The following RYR3 variants were observed in gnomAD, a reference collection of about 807,000 sequenced individuals.
RYR3 encodes the protein brain ryanodine receptor-calcium release channel.
Under a neutral mutation model 584.3 loss-of-function variants are expected in RYR3, and 207 were observed. The ratio of observed to expected loss-of-function variants is 0.35; its 90% CI spans 0.32 to 0.40. The LOEUF is 0.40. Ranked by LOEUF, RYR3 falls within the 10% of genes least tolerant of loss-of-function variation. The pLI is 1.00. For missense variants in RYR3, 5,616 were observed against 6,089.2 expected, an observed-to-expected ratio of 0.92 and a Z score of 2.59; for synonymous variants, 2,416 against 2,248.5, an observed-to-expected ratio of 1.07 and a Z score of -2.11.
At chr15:33,341,256 C>G (rs556796440) in intron 1 of RYR3, among the ~76,000 whole-genome samples, 10 of 152,092 alleles carry the variant, frequency 6.6e-5, no homozygotes, top group African/African-American at 1.9e-4. Context: ...CCAGGCTGAT[C>G]TCGAACCTCT....
chr15:33,701,462 A>G (rs1223085834), intron 42 of RYR3, among the ~76,000 whole-genome samples: 1 of 152,190 alleles, frequency 6.6e-6, no homozygotes, highest in Non-Finnish European at 1.5e-5. Context: ...TGTCCTTTCC[A>G]TGTGTAACTG....
intron 19 of RYR3, among the ~76,000 whole-genome samples, chr15:33,621,286 A>T (rs7168848): frequency 6.6e-6 from 1 of 152,082 alleles, no homozygotes; most frequent in Admixed American, 6.5e-5. Flanking sequence ...CTTACTTGCT[A>T]TACAAGCTAC....
At chr15:33,683,088 G>A (rs549265874) in intron 38 of RYR3, among the ~76,000 whole-genome samples, 12 of 151,826 alleles carry the variant, frequency 7.9e-5, no homozygotes, top group African/African-American at 2.2e-4. Context: ...TCCGCCTCCC[G>A]GGTTCATGCC....
intron 1 of RYR3, among the ~76,000 whole-genome samples, chr15:33,365,733 G>T (rs1056850780): frequency 6.6e-6 from 1 of 152,168 alleles, no homozygotes; most frequent in African/African-American, 2.4e-5. Flanking sequence ...AATAATAAAG[G>T]GGATAGGAGG....
chr15:33,715,537 A>G (rs1422844428), intron 43 of RYR3, among the ~76,000 whole-genome samples: 1 of 152,224 alleles, frequency 6.6e-6, no homozygotes, highest in Non-Finnish European at 1.5e-5. Flanking sequence ...TCTATGTTAC[A>G]CCTTTGTACT....
At position 33,838,753 on chromosome 15, in the gene RYR3, C is replaced by T; in HGVS notation, c.12773C>T (p.Pro4258Leu). 6.2e-7 allele frequency: 1 copy of T among 1,613,844 alleles called. No homozygotes were observed. Among genetic ancestry groups the T allele is most frequent in the South Asian group, 1.1e-5 (1 of 91,054 alleles). Residue 4258 changes from proline to leucine, a missense_variant, in exon 89 of 104, where the codon CCA (proline) becomes CTA (leucine). Coordinates refer to ENST00000634891, the MANE Select transcript of RYR3 (RefSeq NM_001036.6). ...GCTGAGAGGGCAGAGGTGATGGAGC[C>T]AGGTATCACCACTGAACTAGTACAC... ...MEAERAEVME[P>L]GITTELVHFI...
At chr15:33,670,366 A>T in intron 37 of RYR3, 53 bp from the exon 38 acceptor site, 1 of 1,591,078 alleles carries the variant, frequency 6.3e-7, no homozygotes, top group Non-Finnish European at 8.6e-7. Context: ...TTGTGACACT[A>T]TGATGGTTTC....
intron 2 of RYR3, among the ~76,000 whole-genome samples, chr15:33,493,401 G>C (rs940486434): frequency 2.0e-5 from 3 of 152,114 alleles, no homozygotes; most frequent in Non-Finnish European, 2.9e-5. Flanking sequence ...AGAATTCCAG[G>C]GATTGTTACG....
In RYR3 at chr15:33,451,468, G is replaced by GA. The variant is rs145835897; in HGVS notation, c.52-21940dup. On this transcript the variant is annotated intron_variant, in intron 1 of 103. Transcript: ENST00000634891. Reference sequence around the variant, plus strand: ...TTGGAAAAGGAACCTAAATTTTGGGGAAAAAAAAAAACTGGGGAAAAATGT... The same window carrying GA: ...TTGGAAAAGGAACCTAAATTTTGGGGAAAAAAAAAAAACTGGGGAAAAATGT... Among the ~76,000 whole-genome samples, 329 of 147,922 alleles carry GA rather than the reference G, an allele frequency of 2.2e-3. 1 individual carries two copies. The highest frequency in any genetic ancestry group is 5.7e-3 in the African/African-American group (231 of 40,488).
At chr15:33,344,389 A>C (rs1972185489) in intron 1 of RYR3, among the ~76,000 whole-genome samples, 1 of 152,222 alleles carries the variant, frequency 6.6e-6, no homozygotes, top group African/African-American at 2.4e-5. Flanking sequence ...AAATTTGGAA[A>C]ATTAGACCCT....
chr15:33,650,540 G>A (rs189223428), intron 31 of RYR3, among the ~76,000 whole-genome samples: 204 of 152,276 alleles, frequency 1.3e-3, no homozygotes, highest in African/African-American at 4.8e-3. Flanking sequence ...GATTAAATAA[G>A]TTAATTCATA....
intron 3 of RYR3, among the ~76,000 whole-genome samples, chr15:33,511,934 A>G (rs1043766506): frequency 6.6e-6 from 1 of 151,930 alleles, no homozygotes. Context: ...GCCCGCCACC[A>G]CGCCCGGCTA....
chr15:33,861,539 A>G (rs1353422381), intron 102 of RYR3, among the ~76,000 whole-genome samples: 2 of 150,314 alleles, frequency 1.3e-5, no homozygotes, highest in African/African-American at 2.4e-5. Flanking sequence ...ACTTCCAACT[A>G]TTGCCCTACT....
chr15:33,786,098 C>G (rs545482445), intron 66 of RYR3, 116 bp downstream of exon 66: 1 of 828,362 alleles, frequency 1.2e-6, no homozygotes, highest in Non-Finnish European at 1.8e-6. Flanking sequence ...TATATTTAAA[C>G]CTCCCCATGC....
intron 16 of RYR3, among the ~76,000 whole-genome samples, chr15:33,589,778 G>A (rs762627603): frequency 2.0e-5 from 3 of 152,194 alleles, no homozygotes; most frequent in Non-Finnish European, 4.4e-5. Context: ...CTATAGCTAT[G>A]TGGCTTTATT....
chr15:33,636,574 C>A, intron 27 of RYR3, 24 bp downstream of exon 27: 2 of 1,546,292 alleles, frequency 1.3e-6, no homozygotes, highest in Non-Finnish European at 1.7e-6. Context: ...CCTCTGCCAA[C>A]CCCAGCTCCA....
Position 33,723,942 on chromosome 15 carries a change from C to T in RYR3, c.6801-123C>T, listed in dbSNP as rs116472588. On this transcript the variant is annotated intron_variant, in intron 44 of 103. Transcript: ENST00000634891. ...TCAACTTCTAGAGGAAGACGAGGTT[C>T]CAAGGGAAAGGATGTATGATATGCA... is the stretch of plus-strand genomic sequence containing the variant. The T allele has an allele frequency of 4.5e-3, 2,749 of 608,436 alleles. 64 individuals are homozygous for T. Among genetic ancestry groups the T allele is most frequent in the African/African-American group, 0.045 (2,431 of 53,928 alleles). 37.7% of individuals were successfully genotyped at this position (608,436 alleles called of 1,614,324 possible).
chr15:33,456,126 G>A (rs9652432), intron 1 of RYR3, among the ~76,000 whole-genome samples: 4,354 of 152,028 alleles, frequency 0.029, 117 homozygotes, highest in African/African-American at 0.065. Context: ...ATCTCATTTC[G>A]ATCTCCTCTG....
intron 16 of RYR3, 84 bp from the exon 17 acceptor site, chr15:33,601,335 A>T: frequency 5.2e-4 from 559 of 1,068,384 alleles, no homozygotes; most frequent in Non-Finnish European, 7.2e-4. Flanking sequence ...CCCTTTATGG[A>T]CTCCTTCCCT....
Sources: gnomAD v4.1 joint callset for allele counts (sites outside exome capture counted in the v4.1 genomes callset) on GRCh38, gnomAD v4.1.1 for gene constraint, MANE v1.5 for transcripts, NCBI Gene and HGNC (gene_info 2026-07-23, HGNC 2026-07-21) for gene names.